SYT10: variants seen among roughly 807,000 people sequenced by gnomAD.
SYT10 encodes synaptotagmin-10.
SYT10 carries 31 observed loss-of-function variants against 51.1 expected under a neutral mutation model. The ratio of observed to expected loss-of-function variants is 0.61; its 90% CI spans 0.46 to 0.82. The LOEUF is 0.82. Among genes scored for constraint, SYT10 ranks in the 40% least tolerant of loss-of-function variants. The pLI is 0.00. For synonymous variants in SYT10, 233 were observed against 225.9 expected, an observed-to-expected ratio of 1.03 and a Z score of -0.28; for missense variants, 603 against 634.0, an observed-to-expected ratio of 0.95 and a Z score of 0.53.
rs1479475917 is a variant in SYT10, at chr12:33,376,858, G to A, written c.1544C>T (p.Pro515Leu). The A allele has an allele frequency of 1.2e-6, 2 of 1,614,046 alleles. No homozygotes were observed. The highest frequency in any genetic ancestry group is 1.7e-6 in the Non-Finnish European group (2 of 1,179,990). The change falls in exon 7 of 7, where the codon CCT (proline) becomes CTT (leucine). Residue 515 changes from proline (P) to leucine (L), a missense_variant. Pro to Leu is a moderately conservative substitution (Grantham distance 98). Coordinates refer to ENST00000228567, the MANE Select transcript of SYT10 (RefSeq NM_198992.4). ...ATSFDSQGSC[P>L]SPKPPSTP ...TGGTGTGGAAGGTGGTTTAGGAGAA[G>A]GGCAGGATCCTTGACTATCAAAACT...
At chr12:33,377,553 A>G (rs1000194539) in intron 6 of SYT10, among the ~76,000 whole-genome samples, 5 of 152,072 alleles carry the variant, frequency 3.3e-5, no homozygotes, top group African/African-American at 1.2e-4. Context: ...AAATGCCTGT[A>G]TGTATTTACA....
At position 33,426,464 on chromosome 12, in the gene SYT10, GACA is replaced by G. The variant is rs1261808609; in HGVS notation, c.180_182del (p.Val61del). 4 of 1,601,846 alleles carry G rather than the reference GACA, an allele frequency of 2.5e-6. No homozygotes were observed. The highest frequency in any genetic ancestry group is 2.2e-5 in the East Asian group (1 of 44,760). On this transcript the variant is annotated inframe_deletion, in exon 2 of 7. Transcript: ENST00000228567. ...CCAACAAGGCCAGTCCACAAAAGCT[GACA>G]ACGACAGCTAACAGGCTGACTGAAA... is the stretch of plus-strand genomic sequence containing the variant.
At chr12:33,390,225 G>A (rs1866191892) in intron 3 of SYT10, among the ~76,000 whole-genome samples, 1 of 152,122 alleles carries the variant, frequency 6.6e-6, no homozygotes, top group South Asian at 2.1e-4. Flanking sequence ...TCAAGAACAA[G>A]TAGTCATAAA....
At chr12:33,382,209 C>T in intron 5 of SYT10, 140 bp downstream of exon 5, 1 of 839,810 alleles carries the variant, frequency 1.2e-6, no homozygotes. Context: ...ACACAGAAAA[C>T]AATGAATTTT....
At chr12:33,425,513 C>T (rs1233594878) in intron 2 of SYT10, among the ~76,000 whole-genome samples, 3 of 152,138 alleles carry the variant, frequency 2.0e-5, no homozygotes, top group African/African-American at 7.2e-5. Flanking sequence ...TCCTCTTCCT[C>T]CTCCTTTTAA....
intron 2 of SYT10, among the ~76,000 whole-genome samples, chr12:33,425,746 G>C (rs1361009933): frequency 2.6e-5 from 4 of 151,834 alleles, no homozygotes; most frequent in Admixed American, 6.6e-5. Flanking sequence ...ATTTCAAATG[G>C]CTTTCTTAAT....
intron 2 of SYT10, among the ~76,000 whole-genome samples, chr12:33,416,323 T>C (rs2138423946): frequency 6.6e-6 from 1 of 152,106 alleles, no homozygotes; most frequent in East Asian, 1.9e-4. Context: ...CCTTAGGCAA[T>C]CCACCCACCT....
chr12:33,375,432 C>A lies in SYT10; in HGVS notation c.*1398G>T, dbSNP rs547700400. ...TTTCTTGCCTCTTTTTTTAAAAAAACCACCAATTTTGAAATAAGCTTGAAA... is the reference window on the plus strand; with the variant it reads ...TTTCTTGCCTCTTTTTTTAAAAAAAACACCAATTTTGAAATAAGCTTGAAA... On this transcript the variant is annotated 3_prime_UTR_variant, in exon 7 of 7. Transcript: ENST00000228567. The A allele has an allele frequency of 2.6e-5, 4 of 151,744 alleles. No individual in the cohort carries two copies. The highest frequency in any genetic ancestry group is 2.1e-4 in the South Asian group (1 of 4,822). The allele number at this position is 151,744 out of a possible 1,614,324, so 9.4% of individuals were successfully genotyped here.
rs372926523 is a variant in SYT10, at chr12:33,380,015, GT to G, written c.1371-55del. On this transcript the variant is annotated intron_variant, in intron 5 of 6. Coordinates refer to ENST00000228567, the MANE Select transcript of SYT10 (RefSeq NM_198992.4). ...TTTCCAACATTCAAAGATAAAGGGG[GT>G]TTCACAAATCGTAGTAGAATTTTAA... 8.7e-3 allele frequency: 13,216 copies of G among 1,517,582 alleles called. 95 individuals carry two copies. The highest frequency in any genetic ancestry group is 0.037 in the Middle Eastern group (209 of 5,656). The allele number at this position is 1,517,582 out of a possible 1,614,324, so 94.0% of individuals were successfully genotyped here.
chr12:33,390,089 T>C (rs12301124), intron 3 of SYT10, among the ~76,000 whole-genome samples: 109,073 of 152,142 alleles, frequency 0.72, 40,724 homozygotes, highest in East Asian at 0.95. Context: ...CTAAATAACA[T>C]ATATAGTTTA....
At chr12:33,422,015 A>G (rs542883903) in intron 2 of SYT10, among the ~76,000 whole-genome samples, 13 of 152,118 alleles carry the variant, frequency 8.5e-5, no homozygotes, top group East Asian at 1.9e-4. Context: ...GAATTCATTT[A>G]TTGATTCTTT....
intron 3 of SYT10, among the ~76,000 whole-genome samples, chr12:33,398,289 G>A (rs1866274139): frequency 6.6e-6 from 1 of 152,046 alleles, no homozygotes; most frequent in Non-Finnish European, 1.5e-5. Context: ...TGAGGCGGGT[G>A]GATCATGAGG....
chr12:33,382,562 T>C (rs762500432), intron 4 of SYT10, 42 bp from the exon 5 acceptor site: 15 of 1,522,878 alleles, frequency 9.8e-6, no homozygotes, highest in Non-Finnish European at 1.2e-5. Context: ...AAAGTAATAG[T>C]ACAAAGCATA....
At chr12:33,418,173 C>G (rs1265056485) in intron 2 of SYT10, among the ~76,000 whole-genome samples, 1 of 152,094 alleles carries the variant, frequency 6.6e-6, no homozygotes. Flanking sequence ...GGTCCATTCA[C>G]AATCCTCATC....
intron 3 of SYT10, among the ~76,000 whole-genome samples, chr12:33,401,392 G>C (rs2138408801): frequency 6.6e-6 from 1 of 152,268 alleles, no homozygotes; most frequent in East Asian, 1.9e-4. Context: ...CCAGATTTGT[G>C]ATATATAGTA....
At chr12:33,425,601 C>T (rs1866543605) in intron 2 of SYT10, among the ~76,000 whole-genome samples, 1 of 152,118 alleles carries the variant, frequency 6.6e-6, no homozygotes, top group Non-Finnish European at 1.5e-5. Flanking sequence ...ATCTGGTCTA[C>T]ATGAGCTCAA....
At chr12:33,393,719 G>T in intron 3 of SYT10, among the ~76,000 whole-genome samples, 1 of 152,106 alleles carries the variant, frequency 6.6e-6, no homozygotes, top group South Asian at 2.1e-4. Context: ...GACTCTAGAT[G>T]ACCTGACTCT....
At chr12:33,379,438 T>G (rs933317066) in intron 6 of SYT10, among the ~76,000 whole-genome samples, 11 of 151,420 alleles carry the variant, frequency 7.3e-5, no homozygotes, top group Non-Finnish European at 1.0e-4. Context: ...TGGAACACTT[T>G]AGGTAAGGTG....
chr12:33,424,039 G>A (rs1375933366), intron 2 of SYT10: 1 of 455,010 alleles, frequency 2.2e-6, no homozygotes. Flanking sequence ...TCAGAGGCAG[G>A]TGAAATGATT....
Sources: gnomAD v4.1 joint callset for allele counts (sites outside exome capture counted in the v4.1 genomes callset) on GRCh38, gnomAD v4.1.1 for gene constraint, MANE v1.5 for transcripts, NCBI Gene and HGNC (gene_info 2026-07-23, HGNC 2026-07-21) for gene names.